The following NMNAT3 variants were observed in gnomAD, a reference collection of about 807,000 sequenced individuals.
NMNAT3 encodes nicotinamide nucleotide adenylyltransferase 3.
A neutral mutation model predicts 24.8 loss-of-function variants in NMNAT3; 21 were observed. The observed-to-expected ratio is 0.85, with a 90% CI of 0.60 to 1.22. The LOEUF is 1.22. Ranked by LOEUF, NMNAT3 falls within the 50% of genes most tolerant of loss-of-function variation. NMNAT3 has a pLI of 0.00. For missense variants in NMNAT3, 387 were observed against 436.6 expected (o/e 0.89, Z 1.01); for synonymous variants, 136 against 155.2 (o/e 0.88, Z 0.92).
chr3:139,621,079 G>T (rs1274391232), intron 3 of NMNAT3, among the ~76,000 whole-genome samples: 3 of 152,102 alleles, frequency 2.0e-5, no homozygotes, highest in Non-Finnish European at 4.4e-5. Flanking sequence ...CATGCAATTG[G>T]CCATATTTAA....
At chr3:139,674,112 C>A (rs2057848900) in intron 1 of NMNAT3, among the ~76,000 whole-genome samples, 1 of 152,172 alleles carries the variant, frequency 6.6e-6, no homozygotes, top group African/African-American at 2.4e-5. Context: ...CCAGACACAG[C>A]ACTTCTGGGT....
At chr3:139,664,422 CTAT>C (rs1463362237) in intron 1 of NMNAT3, among the ~76,000 whole-genome samples, 5 of 152,140 alleles carry the variant, frequency 3.3e-5, no homozygotes, top group Admixed American at 2.0e-4. Context: ...GGTCCAGGAG[CTAT>C]GATTCCTGAA....
intron 3 of NMNAT3, among the ~76,000 whole-genome samples, chr3:139,609,365 G>A (rs2055090607): frequency 1.3e-5 from 2 of 152,176 alleles, no homozygotes; most frequent in African/African-American, 2.4e-5. Context: ...AATTATAAGA[G>A]GTGCAGTTTC....
chr3:139,567,669 C>T (rs942925740), intron 6 of NMNAT3: 1 of 152,184 alleles, frequency 6.6e-6, no homozygotes, highest in African/African-American at 2.4e-5. Flanking sequence ...GTTGAACCAG[C>T]CTTGCATCCC....
At chr3:139,655,678 A>G (rs563170744) in intron 1 of NMNAT3, among the ~76,000 whole-genome samples, 3 of 152,250 alleles carry the variant, frequency 2.0e-5, no homozygotes, top group Non-Finnish European at 4.4e-5. Context: ...AGAAGGAGGG[A>G]AGTAGTAAGC....
intron 2 of NMNAT3, chr3:139,637,721 T>C (rs1375976773): frequency 3.3e-5 from 5 of 152,226 alleles, no homozygotes; most frequent in African/African-American, 4.8e-5. Context: ...CATTTCCTAG[T>C]GCTAGAATGT....
intron 3 of NMNAT3, among the ~76,000 whole-genome samples, chr3:139,585,071 A>T (rs2053874931): frequency 6.6e-6 from 1 of 151,460 alleles, no homozygotes; most frequent in Admixed American, 6.6e-5. Flanking sequence ...TGGATGATGG[A>T]GAGTTCTGTT....
intron 3 of NMNAT3, among the ~76,000 whole-genome samples, chr3:139,621,241 A>G (rs1215064708): frequency 1.3e-5 from 2 of 152,330 alleles, no homozygotes; most frequent in South Asian, 2.1e-4. Flanking sequence ...GTCCAGTGGT[A>G]TCTCACCGTG....
At chr3:139,643,060 C>T (rs973101081) in intron 1 of NMNAT3, among the ~76,000 whole-genome samples, 1 of 152,136 alleles carries the variant, frequency 6.6e-6, no homozygotes, top group Non-Finnish European at 1.5e-5. Context: ...GGGCAAAGGA[C>T]TTGAGTAGAC....
intron 6 of NMNAT3, among the ~76,000 whole-genome samples, chr3:139,572,567 A>C (rs1938564863): frequency 6.6e-6 from 1 of 152,040 alleles, no homozygotes; most frequent in Non-Finnish European, 1.5e-5. Flanking sequence ...CGCACAGGGG[A>C]TACTGCTGTG....
At chr3:139,646,019 T>A (rs1410129068) in intron 1 of NMNAT3, among the ~76,000 whole-genome samples, 1 of 152,204 alleles carries the variant, frequency 6.6e-6, no homozygotes, top group Non-Finnish European at 1.5e-5. Flanking sequence ...GGCATACAAT[T>A]TAAAGTTGCT....
rs1472531681 is a variant in NMNAT3, at chr3:139,560,553, C to A, written c.*457G>T. On this transcript the variant is annotated 3_prime_UTR_variant, in exon 7 of 7. Transcript: ENST00000643695. ...GAAACCAGGGCGTTGACAAAACCCACTGTTCAGTAATTAGCATCCTGTCAA... is the reference window on the plus strand; with the variant it reads ...GAAACCAGGGCGTTGACAAAACCCAATGTTCAGTAATTAGCATCCTGTCAA... 2.6e-5 allele frequency: 4 copies of A among 156,858 alleles called. 1 individual carries two copies. In the East Asian group the frequency reaches 5.6e-4, roughly 22 times the overall value. The allele number at this position is 156,858 out of a possible 1,614,324, so 9.7% of individuals were successfully genotyped here.
chr3:139,622,390 G>A (rs944524662), intron 3 of NMNAT3, among the ~76,000 whole-genome samples: 2 of 151,694 alleles, frequency 1.3e-5, no homozygotes, highest in African/African-American at 4.8e-5. Flanking sequence ...TTTTTGGGAA[G>A]TGTTCTAAAC....
chr3:139,671,867 A>C (rs975336316), intron 1 of NMNAT3, among the ~76,000 whole-genome samples: 1 of 152,216 alleles, frequency 6.6e-6, no homozygotes, highest in Non-Finnish European at 1.5e-5. Context: ...CTCACAGAGA[A>C]ACTTCCAGCC....
chr3:139,641,086 T>G (rs2056685503), intron 1 of NMNAT3, among the ~76,000 whole-genome samples: 1 of 152,224 alleles, frequency 6.6e-6, no homozygotes, highest in Non-Finnish European at 1.5e-5. Context: ...CTGCACTTAT[T>G]GCTTCAGAAT....
chr3:139,667,585 G>A (rs911089284), intron 1 of NMNAT3, among the ~76,000 whole-genome samples: 21 of 152,158 alleles, frequency 1.4e-4, no homozygotes, highest in Admixed American at 1.4e-3. Context: ...CCTTTGGAGT[G>A]GGTCCAGCCT....
chr3:139,564,933 C>T (rs577709023), intron 6 of NMNAT3, among the ~76,000 whole-genome samples: 2 of 152,268 alleles, frequency 1.3e-5, no homozygotes, highest in African/African-American at 4.8e-5. Context: ...ATTCTGCTTT[C>T]TACAAAACAC....
chr3:139,624,308 C>T (rs1276967020), intron 3 of NMNAT3, among the ~76,000 whole-genome samples: 2 of 152,076 alleles, frequency 1.3e-5, no homozygotes, highest in Non-Finnish European at 2.9e-5. Flanking sequence ...TCTTCTGTGA[C>T]CCATGAGTTT....
At chr3:139,659,523 C>T (rs761690424) in intron 1 of NMNAT3, among the ~76,000 whole-genome samples, 4 of 152,206 alleles carry the variant, frequency 2.6e-5, no homozygotes, top group Non-Finnish European at 5.9e-5. Context: ...GCAAGGGATA[C>T]ATGGTTTGCT....
Sources: allele counts gnomAD v4.1 joint callset (sites outside exome capture counted in the v4.1 genomes callset), GRCh38; gene constraint gnomAD v4.1.1; transcripts MANE v1.5; gene names NCBI Gene and HGNC (gene_info 2026-07-23, HGNC 2026-07-21).